CENPQ: variants seen among roughly 807,000 people sequenced by gnomAD.
CENPQ encodes the protein centromere protein Q.
CENPQ carries 27 observed loss-of-function variants against 36.6 expected under a neutral mutation model. The observed-to-expected ratio is 0.74, with a 90% CI of 0.54 to 1.02. The LOEUF is 1.02. Ranked by LOEUF, CENPQ falls within the 50% of genes least tolerant of loss-of-function variation. CENPQ has a pLI of 0.00. For synonymous variants in CENPQ, 101 were observed against 101.7 expected (o/e 0.99, Z 0.04); for missense variants, 306 against 301.8 (o/e 1.01, Z -0.10).
At chr6:49,473,532 G>A (rs1259810050) in intron 5 of CENPQ, among the ~76,000 whole-genome samples, 1 of 152,100 alleles carries the variant, frequency 6.6e-6, no homozygotes, top group Non-Finnish European at 1.5e-5. Context: ...ACTAAACATG[G>A]AAAGGAAAAA....
Position 49,492,125 on chromosome 6 carries a change from A to C in CENPQ, c.676-19A>C, listed in dbSNP as rs2127428974. 11 of 1,577,762 alleles carry C rather than the reference A, an allele frequency of 7.0e-6. No homozygotes were observed. The highest frequency in any genetic ancestry group is 9.5e-6 in the Non-Finnish European group (11 of 1,160,268). On this transcript the variant is annotated intron_variant, in intron 8 of 8. Coordinates refer to ENST00000335783, the MANE Select transcript of CENPQ (RefSeq NM_018132.4). The stretch of plus-strand genomic sequence containing the variant: ...TAATAAAATGTTAACAACTACATTT[A>C]ATACTATCTTTCCCACAGAAAGAAA...
intron 5 of CENPQ, among the ~76,000 whole-genome samples, chr6:49,474,885 C>T (rs942738066): frequency 9.2e-5 from 14 of 151,968 alleles, no homozygotes; most frequent in Admixed American, 2.6e-4. Context: ...AACACCTCTA[C>T]GCAAATAAAA....
At chr6:49,480,475 C>T (rs1208766093) in intron 5 of CENPQ, among the ~76,000 whole-genome samples, 1 of 152,132 alleles carries the variant, frequency 6.6e-6, no homozygotes, top group Non-Finnish European at 1.5e-5. Context: ...TCTTTGAAAT[C>T]ATTTAGAATA....
chr6:49,478,217 T>C (rs1340189335), intron 5 of CENPQ, among the ~76,000 whole-genome samples: 1 of 152,242 alleles, frequency 6.6e-6, no homozygotes, highest in Non-Finnish European at 1.5e-5. Context: ...TGTAGCAGTG[T>C]TTCTGAAAGT....
At chr6:49,489,141 T>G (rs1478899475) in intron 8 of CENPQ, among the ~76,000 whole-genome samples, 4 of 152,234 alleles carry the variant, frequency 2.6e-5, no homozygotes, top group Non-Finnish European at 5.9e-5. Context: ...TGATGCTGTT[T>G]CATAGCATTT....
intron 3 of CENPQ, 141 bp from the exon 4 acceptor site, chr6:49,471,922 G>C (rs1288828453): frequency 2.4e-6 from 2 of 848,774 alleles, no homozygotes; most frequent in South Asian, 3.6e-5. Flanking sequence ...GTGATAAAAA[G>C]TAAATTAAAC....
In CENPQ at chr6:49,488,486, C is replaced by T; in HGVS notation, c.597+15C>T. The T allele has an allele frequency of 6.2e-7, 1 of 1,608,350 alleles. No homozygotes were observed. Among genetic ancestry groups the T allele is most frequent in the Non-Finnish European group, 8.5e-7 (1 of 1,176,498 alleles). On this transcript the variant is annotated intron_variant, in intron 7 of 8. Coordinates refer to ENST00000335783, the MANE Select transcript of CENPQ (RefSeq NM_018132.4). ...GAGTAAAACAGGTAATTATTTTAAA[C>T]TGTATTATTGGAATTTGGATATAAT...
rs187198526 is a variant in CENPQ at position 49,482,540 on chromosome 6, C to T, written c.477+1460C>T. 1.8e-3 allele frequency among the ~76,000 whole-genome samples: 277 copies of T among 152,238 alleles called. 3 individuals carry two copies. The highest frequency in any genetic ancestry group is 0.01 in the Admixed American group (153 of 15,300). On this transcript the variant is annotated intron_variant, in intron 6 of 8. Transcript: ENST00000335783. ...TAGGCCAGGGAAAGTGCCAGTGGGT[C>T]GGTCCAGGGGTCCTCAGTAGAAGTT...
chr6:49,471,083 A>G, intron 3 of CENPQ, 55 bp downstream of exon 3: 3 of 1,055,736 alleles, frequency 2.8e-6, no homozygotes, highest in Non-Finnish European at 4.0e-6. Context: ...CTATATCTAC[A>G]TTCGTGAAAA....
At chr6:49,488,285 A>G (rs1038209728) in intron 6 of CENPQ, 67 bp from the exon 7 acceptor site, 33 of 1,239,464 alleles carry the variant, frequency 2.7e-5, no homozygotes, top group South Asian at 1.2e-4. Flanking sequence ...ATGTATAACA[A>G]TATCTATTAG....
intron 8 of CENPQ, among the ~76,000 whole-genome samples, chr6:49,489,835 ATCT>A (rs900058819): frequency 6.6e-5 from 10 of 152,216 alleles, no homozygotes; most frequent in African/African-American, 1.9e-4. Context: ...TTTCAAAGGA[ATCT>A]TCTTTTCTGA....
intron 1 of CENPQ, among the ~76,000 whole-genome samples, chr6:49,465,612 C>G (rs953235742): frequency 7.2e-5 from 11 of 152,232 alleles, no homozygotes; most frequent in African/African-American, 2.4e-4. Flanking sequence ...CTTGCTGCTT[C>G]ACTTTGTACT....
chr6:49,469,695 T>A (rs552794754), intron 1 of CENPQ, among the ~76,000 whole-genome samples: 1 of 152,280 alleles, frequency 6.6e-6, no homozygotes, highest in East Asian at 1.9e-4. Context: ...AAAAAGTGTC[T>A]CCTTCCATTT....
chr6:49,472,947 G>GT, intron 5 of CENPQ, 89 bp downstream of exon 5: 1 of 967,338 alleles, frequency 1.0e-6, no homozygotes, highest in Non-Finnish European at 1.4e-6. Context: ...CTTGTGGAAT[G>GT]TAAGTTTTTC....
intron 6 of CENPQ, among the ~76,000 whole-genome samples, chr6:49,482,373 G>T (rs190706666): frequency 6.6e-6 from 1 of 152,190 alleles, no homozygotes; most frequent in South Asian, 2.1e-4. Context: ...CTGCCAGCAC[G>T]CTGTCACCTC....
At chr6:49,473,334 G>C (rs1581846309) in intron 5 of CENPQ, among the ~76,000 whole-genome samples, 1 of 152,084 alleles carries the variant, frequency 6.6e-6, no homozygotes, top group Admixed American at 6.6e-5. Context: ...CTTCTCAGGA[G>C]TTCTTAAAAG....
At chr6:49,464,813 C>T (rs923134406) in intron 1 of CENPQ, among the ~76,000 whole-genome samples, 1 of 152,218 alleles carries the variant, frequency 6.6e-6, no homozygotes, top group African/African-American at 2.4e-5. Context: ...TTCATCACTT[C>T]CTCCACTGAA....
intron 1 of CENPQ, among the ~76,000 whole-genome samples, chr6:49,466,481 C>G (rs1377832388): frequency 6.6e-6 from 1 of 152,218 alleles, no homozygotes; most frequent in Admixed American, 6.5e-5. Flanking sequence ...CCTGTACATT[C>G]TTACCCATAG....
chr6:49,485,973 A>G (rs972140912), intron 6 of CENPQ, among the ~76,000 whole-genome samples: 3 of 152,180 alleles, frequency 2.0e-5, no homozygotes, highest in South Asian at 2.1e-4. Context: ...GGTTGAATCT[A>G]GGAAAAGGGT....
Sources: allele counts gnomAD v4.1 joint callset (sites outside exome capture counted in the v4.1 genomes callset), GRCh38; gene constraint gnomAD v4.1.1; transcripts MANE v1.5; gene names NCBI Gene and HGNC (gene_info 2026-07-23, HGNC 2026-07-21).